PDGFB: variants seen among roughly 807,000 people sequenced by gnomAD.
The protein encoded by PDGFB is platelet derived growth factor subunit B, also known as platelet-derived growth factor subunit B.
Under a neutral mutation model 29.0 loss-of-function variants are expected in PDGFB, and 6 were observed. The ratio of observed to expected loss-of-function variants is 0.21; its 90% CI spans 0.11 to 0.41. The LOEUF is 0.41. PDGFB is among the 10% of genes least tolerant of loss of function. The pLI is 1.00. For missense variants in PDGFB, 299 were observed against 341.8 expected (o/e 0.87, Z 0.99); for synonymous variants, 144 against 140.8 (o/e 1.02, Z -0.16).
rs1015661921 is a variant in PDGFB, at chr22:39,231,022, C to T, written c.456+600G>A. Among the ~76,000 whole-genome samples the T allele has an allele frequency of 3.3e-5, 5 of 152,222 alleles. No homozygotes were observed. The highest frequency in any genetic ancestry group is 7.2e-5 in the African/African-American group (3 of 41,460). On this transcript the variant is annotated intron_variant, in intron 4 of 6. Transcript: ENST00000331163. This position sits in a 1 kb window ranked among gnomAD's most constrained non-coding sequence, Gnocchi z 4.3. ...CCCTGAGTCCAGTGTATGTATCCCC[C>T]GTCCCTCCGAAGAAAAGCAGGATCA...
intron 3 of PDGFB, among the ~76,000 whole-genome samples, chr22:39,232,590 AGCAATTCTCCT>A (rs956636828): frequency 6.6e-6 from 1 of 152,096 alleles, no homozygotes; most frequent in African/African-American, 2.4e-5. Context: ...CCCTGGTTCA[AGCAATTCTCCT>A]GCCTCAGCCT....
chr22:39,244,052 G>T lies in PDGFB; in HGVS notation c.-89C>A, dbSNP rs1181478625. ...CCAGGGTGGGGGGCTGGGGAGGGGG[G>T]TGGGCTCGGCTCGGGTCCGCGGCGA... On this transcript the variant is annotated 5_prime_UTR_variant, in exon 1 of 7. Transcript: ENST00000331163. The surrounding 1 kb of genome is among the most constrained non-coding windows in gnomAD (Gnocchi z 4.5). 2 of 632,630 alleles carry T rather than the reference G, an allele frequency of 3.2e-6. No individual in the cohort carries two copies. The highest frequency in any genetic ancestry group is 5.0e-6 in the Non-Finnish European group (2 of 397,206). The allele number at this position is 632,630 out of a possible 1,614,324, so 39.2% of individuals were successfully genotyped here. A position where few individuals can be genotyped will look rare whatever the true frequency, so the allele number is the denominator to read the frequency against.
At chr22:39,232,692 G>C (rs1932339234) in intron 3 of PDGFB, among the ~76,000 whole-genome samples, 1 of 152,150 alleles carries the variant, frequency 6.6e-6, no homozygotes, top group Non-Finnish European at 1.5e-5. Flanking sequence ...GTTTCACCAT[G>C]TCGGTCAGGA....
rs371010180 is a variant in PDGFB, at chr22:39,231,834, G to A, written c.251-7C>T. Reference sequence around the variant, plus strand: ...TCAGCAATGGTCAGGGAACCTGGGAGGAGACGAAACCTGGGTCAGGAGCGT... The same window carrying A: ...TCAGCAATGGTCAGGGAACCTGGGAAGAGACGAAACCTGGGTCAGGAGCGT... On this transcript the variant is annotated splice_polypyrimidine_tract_variant and splice_region_variant and intron_variant, in intron 3 of 6. Coordinates refer to ENST00000331163, the MANE Select transcript of PDGFB (RefSeq NM_002608.4). This position sits in a 1 kb window ranked among gnomAD's most constrained non-coding sequence, Gnocchi z 4.3. 4 of 1,611,320 alleles carry A rather than the reference G, an allele frequency of 2.5e-6. No individual in the cohort carries two copies. Among genetic ancestry groups the A allele is most frequent in the Non-Finnish European group, 3.4e-6 (4 of 1,179,462 alleles).
rs1292381746 is a variant in PDGFB at position 39,242,556 on chromosome 22, C to T, written c.63+1345G>A. On this transcript the variant is annotated intron_variant, in intron 1 of 6. Transcript: ENST00000331163. This position sits in a 1 kb window ranked among gnomAD's most constrained non-coding sequence, Gnocchi z 5.7. ...CCGCGTCCTCCCTCCCGGGTGCGGG[C>T]CGCGGGGGGCGGCCGCGGAAGGGCG... Among the ~76,000 whole-genome samples, 1 of 150,666 alleles carries T rather than the reference C, an allele frequency of 6.6e-6. No individual in the cohort carries two copies. The highest frequency in any genetic ancestry group is 1.5e-5 in the Non-Finnish European group (1 of 67,524).
Sources: gnomAD v4.1 joint callset for allele counts (sites outside exome capture counted in the v4.1 genomes callset) on GRCh38, gnomAD v4.1.1 for gene constraint, Gnocchi (gnomAD v3.1) non-coding constraint, MANE v1.5 for transcripts, NCBI Gene and HGNC (gene_info 2026-07-23, HGNC 2026-07-21) for gene names.